The following BPIFB6 variants were observed in gnomAD, a reference collection of about 807,000 sequenced individuals.
BPIFB6 encodes the protein BPI fold containing family B member 6, also known as BPI fold-containing family B member 6.
Under a neutral mutation model 54.7 loss-of-function variants are expected in BPIFB6, and 47 were observed. The ratio of observed to expected loss-of-function variants is 0.86; its 90% CI spans 0.68 to 1.10. BPIFB6 has a LOEUF of 1.10. Among genes scored for constraint, BPIFB6 ranks in the 50% least tolerant of loss-of-function variants. The pLI is 0.00. For missense variants in BPIFB6, 603 were observed against 564.1 expected (o/e 1.07, Z -0.70); for synonymous variants, 255 against 225.9 (o/e 1.13, Z -1.16).
chr20:33,038,858 G>A (rs1281693468), intron 8 of BPIFB6, 51 bp from the exon 9 acceptor site: 25 of 1,558,764 alleles, frequency 1.6e-5, no homozygotes, highest in Non-Finnish European at 2.0e-5. Flanking sequence ...TGTTTGTTAG[G>A]ATGGGCCAGG....
chr20:33,035,815 C>G lies in BPIFB6; in HGVS notation c.577+143C>G, dbSNP rs148489688. On this transcript the variant is annotated intron_variant, in intron 6 of 14. Transcript: ENST00000349552. Reference sequence around the variant, plus strand: ...GCTTGAGGTCATGATGTTCATCCCCCCACTGTCCCGATGGGAGGCCTGAAG... The same window carrying G: ...GCTTGAGGTCATGATGTTCATCCCCGCACTGTCCCGATGGGAGGCCTGAAG... The G allele has an allele frequency of 1.4e-4, 126 of 869,606 alleles. No individual in the cohort carries two copies. The African/African-American group carries it at 1.7e-3, about 12-fold the overall frequency. 53.9% of individuals were successfully genotyped at this position (869,606 alleles called of 1,614,324 possible).
At chr20:33,031,830 C>T in intron 1 of BPIFB6, 86 bp downstream of exon 1, 1 of 1,060,420 alleles carries the variant, frequency 9.4e-7, no homozygotes, top group East Asian at 2.5e-5. Flanking sequence ...GTTGCACATC[C>T]TGGAGCATCC....
Position 33,038,968 on chromosome 20 carries a change from T to TGC in BPIFB6, c.900+7_900+8dup, listed in dbSNP as rs760921783. 1 of 1,613,394 alleles carries TGC rather than the reference T, an allele frequency of 6.2e-7. No individual in the cohort carries two copies. The highest frequency in any genetic ancestry group is 8.5e-7 in the Non-Finnish European group (1 of 1,179,780). Reference sequence around the variant, plus strand: ...TGGCTCGCTTCATTCCTGAAGTGAGTGCCCCACCTCCCCATCACCACTGCA... The same window carrying TGC: ...TGGCTCGCTTCATTCCTGAAGTGAGTGCGCCCCACCTCCCCATCACCACTGCA... On this transcript the variant is annotated splice_region_variant and intron_variant, in intron 9 of 14. Transcript: ENST00000349552.
At chr20:33,032,042 T>A (rs1409152180) in intron 1 of BPIFB6, among the ~76,000 whole-genome samples, 3 of 152,106 alleles carry the variant, frequency 2.0e-5, no homozygotes, top group Non-Finnish European at 4.4e-5. Context: ...GCTGTGGGAG[T>A]GACAGACAAG....
rs940008204 is a variant in BPIFB6, at chr20:33,042,964, A to G, written c.1252+86A>G. 4.8e-6 allele frequency: 6 copies of G among 1,252,058 alleles called. No individual in the cohort carries two copies. In the African/African-American group the frequency reaches 6.0e-5, roughly 13 times the overall value. 77.6% of individuals were successfully genotyped at this position (1,252,058 alleles called of 1,614,324 possible). ...GCCACCTGGGTGGTCTCAAAGCCCT[A>G]TCACTGGGCCCAGATGGGGGAAGCT... On this transcript the variant is annotated intron_variant, in intron 13 of 14. Transcript: ENST00000349552.
At chr20:33,034,716 A>G (rs1444204081) in intron 3 of BPIFB6, 47 bp from the exon 4 acceptor site, 1 of 1,549,766 alleles carries the variant, frequency 6.5e-7, no homozygotes, top group South Asian at 1.2e-5. Context: ...GGGAGAGCGG[A>G]CACCATGGCA....
intron 3 of BPIFB6, 72 bp from the exon 4 acceptor site, chr20:33,034,691 A>G: frequency 2.0e-6 from 3 of 1,505,650 alleles, no homozygotes; most frequent in Non-Finnish European, 2.7e-6. Flanking sequence ...TCAGATTGTG[A>G]GCAAAGAGAA....
At chr20:33,037,770 C>T (rs766827725) in intron 8 of BPIFB6, 32 bp downstream of exon 8, 2 of 1,608,358 alleles carry the variant, frequency 1.2e-6, no homozygotes, top group Non-Finnish European at 1.7e-6. Context: ...TTCCATCTGC[C>T]TCTGTCCATT....
chr20:33,034,374 G>C (rs1979240346), intron 3 of BPIFB6, 84 bp downstream of exon 3: 1 of 957,920 alleles, frequency 1.0e-6, no homozygotes, highest in Non-Finnish European at 1.7e-6. Context: ...AGTGCCTACT[G>C]TGTACCATCT....
intron 5 of BPIFB6, 78 bp downstream of exon 5, chr20:33,035,222 G>T: frequency 6.9e-7 from 1 of 1,442,932 alleles, no homozygotes; most frequent in Non-Finnish European, 9.7e-7. Context: ...ATTTCATGTT[G>T]GGTGCTGACC....
At chr20:33,042,079 G>A in intron 12 of BPIFB6, 64 bp downstream of exon 12, 1 of 1,524,372 alleles carries the variant, frequency 6.6e-7, no homozygotes, top group Non-Finnish European at 9.1e-7. Flanking sequence ...TTCTCCCTCG[G>A]AACTACAGGG....
Position 33,037,697 on chromosome 20 carries a change from C to T in BPIFB6, c.805C>T (p.Leu269Phe). 2 of 1,614,202 alleles carry T rather than the reference C, an allele frequency of 1.2e-6. No homozygotes were observed. Among genetic ancestry groups the T allele is most frequent in the South Asian group, 2.2e-5 (2 of 91,080 alleles). The change falls in exon 8 of 15, where the codon CTT becomes TTT. Residue 269 changes from leucine to phenylalanine, a missense_variant. By Grantham distance (22) the Leu-to-Phe change is conservative (BLOSUM62 0). Transcript: ENST00000349552. ...PATFLSAELA[L>F]LQKSFHVNIQ... is the part of the protein sequence containing the mutation. ...CACCTTCCTCTCTGCAGAGCTTGCC[C>T]TTCTGCAGAAGTCCTTTCATGTGAA...
chr20:33,040,449 C>T lies in BPIFB6; in HGVS notation c.1142+131C>T, dbSNP rs903047882. ...CTACCAGGCTGCTCTAGCTACTTTT[C>T]CTGCTCTAGAACCCTCAATGGCTCC... On this transcript the variant is annotated intron_variant, in intron 11 of 14. Coordinates refer to ENST00000349552, the MANE Select transcript of BPIFB6 (RefSeq NM_174897.2). 6 of 808,530 alleles carry T rather than the reference C, an allele frequency of 7.4e-6. No homozygotes were observed. The Admixed American group carries it at 1.2e-4, about 16-fold the overall frequency. 50.1% of individuals were successfully genotyped at this position (808,530 alleles called of 1,614,324 possible).
At chr20:33,033,905 G>A (rs1417971767) in intron 2 of BPIFB6, among the ~76,000 whole-genome samples, 1 of 152,146 alleles carries the variant, frequency 6.6e-6, no homozygotes, top group African/African-American at 2.4e-5. Context: ...TGTTGATGGG[G>A]AAATTGTGGC....
chr20:33,042,940 C>T, intron 13 of BPIFB6, 62 bp downstream of exon 13: 3 of 1,506,126 alleles, frequency 2.0e-6, no homozygotes, highest in Non-Finnish European at 2.8e-6. Flanking sequence ...ATAAGGGATG[C>T]CACCTGGGTG....
At chr20:33,040,971 C>G (rs866258262) in intron 11 of BPIFB6, among the ~76,000 whole-genome samples, 1 of 148,846 alleles carries the variant, frequency 6.7e-6, no homozygotes, top group African/African-American at 2.5e-5. Context: ...TAACTGAAAA[C>G]TTTAGGAGTA....
rs765406476 is a variant in BPIFB6 at position 33,036,401 on chromosome 20, C to G, written c.578-44C>G. The G allele has an allele frequency of 3.2e-6, 5 of 1,544,026 alleles. No individual in the cohort carries two copies. The South Asian group carries it at 3.6e-5, about 11-fold the overall frequency. On this transcript the variant is annotated intron_variant, in intron 6 of 14. Transcript: ENST00000349552. ...CTGGTGCCAGCTTCTCTGGGCTGTT[C>G]CTGGGGTTGGTGCCTCTTTGAGTGG...
At chr20:33,036,274 A>T (rs1198980502) in intron 6 of BPIFB6, among the ~76,000 whole-genome samples, 171 bp from the exon 7 acceptor site, 1 of 152,172 alleles carries the variant, frequency 6.6e-6, no homozygotes, top group Non-Finnish European at 1.5e-5. Flanking sequence ...TTTCCAGGCC[A>T]GGAACCATGG....
chr20:33,039,267 A>G (rs757793611), intron 9 of BPIFB6, 80 bp from the exon 10 acceptor site: 11 of 1,391,328 alleles, frequency 7.9e-6, no homozygotes, highest in Non-Finnish European at 9.8e-6. Flanking sequence ...GAAATCACCT[A>G]TGTCTTGAGG....
Sources: allele counts gnomAD v4.1 joint callset (sites outside exome capture counted in the v4.1 genomes callset), GRCh38; gene constraint gnomAD v4.1.1; transcripts MANE v1.5; gene names NCBI Gene and HGNC (gene_info 2026-07-23, HGNC 2026-07-21).